Variants in BTRC observed in about 807,000 individuals in gnomAD.
BTRC encodes F-box/WD repeat-containing protein 1A.
In BTRC, 42 loss-of-function variants were observed where a neutral mutation model predicts 85.5. The ratio of observed to expected loss-of-function variants is 0.49; its 90% CI spans 0.38 to 0.64. The LOEUF is 0.64. Ranked by LOEUF, BTRC falls within the 30% of genes least tolerant of loss-of-function variation. The pLI, the probability that BTRC is intolerant of heterozygous loss-of-function variation, is 0.00. For synonymous variants in BTRC, 255 were observed against 263.3 expected (o/e 0.97, Z 0.30); for missense variants, 594 against 743.5 (o/e 0.80, Z 2.34).
At position 101,378,585 on chromosome 10, in the gene BTRC, C is replaced by T. The variant is rs187547279; in HGVS notation, c.48+24357C>T. Among the ~76,000 whole-genome samples, 580 of 143,348 alleles carry T rather than the reference C, an allele frequency of 4.0e-3. 7 individuals are homozygous for T. Among genetic ancestry groups the T allele is most frequent in the African/African-American group, 0.014 (550 of 38,240 alleles). 94.0% of individuals were successfully genotyped at this position (143,348 alleles called of 152,430 possible). On this transcript the variant is annotated intron_variant, in intron 1 of 14. Transcript: ENST00000370187. ...TGTCACCCAGGCTGGAGTGCAGTGG[C>T]GCGATCTTGGTGCACTGCAACCCCT...
At chr10:101,399,393 G>T (rs1355142989) in intron 1 of BTRC, among the ~76,000 whole-genome samples, 6 of 148,018 alleles carry the variant, frequency 4.1e-5, no homozygotes, top group Admixed American at 3.4e-4. Context: ...AATGGTAGCA[G>T]GTCATGTATG....
At chr10:101,532,148 A>G (rs2062293239) in intron 7 of BTRC, 147 bp from the exon 8 acceptor site, 1 of 704,926 alleles carries the variant, frequency 1.4e-6, no homozygotes, top group South Asian at 3.9e-5. Flanking sequence ...TATAGATAGT[A>G]GCCTTTTAAA....
intron 4 of BTRC, among the ~76,000 whole-genome samples, chr10:101,518,443 T>G (rs138188016): frequency 3.5e-3 from 539 of 152,322 alleles, no homozygotes; most frequent in Non-Finnish European, 5.8e-3. Flanking sequence ...AGAAGTTGCC[T>G]GGGCTTAGAA....
In BTRC at chr10:101,391,986, C is replaced by CT. The variant is rs879386711; in HGVS notation, c.48+37769dup. Among the ~76,000 whole-genome samples, 444 of 147,438 alleles carry CT rather than the reference C, an allele frequency of 3.0e-3. 1 individual carries two copies. Among genetic ancestry groups the CT allele is most frequent in the African/African-American group, 8.3e-3 (336 of 40,490 alleles). On this transcript the variant is annotated intron_variant, in intron 1 of 14. Transcript: ENST00000370187. ...AGTTTACTTAAAACTAACTAATATT[C>CT]TTTTTTTTTTTGAGACGGAGGCTTG...
At chr10:101,395,016 C>G (rs1308259361) in intron 1 of BTRC, among the ~76,000 whole-genome samples, 1 of 152,222 alleles carries the variant, frequency 6.6e-6, no homozygotes, top group Non-Finnish European at 1.5e-5. Flanking sequence ...ATGATTCCAA[C>G]AGCAGTAGCG....
intron 2 of BTRC, among the ~76,000 whole-genome samples, chr10:101,458,603 T>C (rs976605428): frequency 2.0e-5 from 3 of 152,242 alleles, no homozygotes; most frequent in Non-Finnish European, 4.4e-5. Flanking sequence ...CAGTGTGTGC[T>C]ATACCTCTTT....
At chr10:101,472,817 A>G (rs549467293) in intron 3 of BTRC, among the ~76,000 whole-genome samples, 1 of 152,220 alleles carries the variant, frequency 6.6e-6, no homozygotes, top group East Asian at 1.9e-4. Context: ...AAAGCCTGAC[A>G]TTATTTATAT....
At chr10:101,449,815 A>T (rs1944914505) in intron 2 of BTRC, among the ~76,000 whole-genome samples, 1 of 151,240 alleles carries the variant, frequency 6.6e-6, no homozygotes, top group Non-Finnish European at 1.5e-5. Flanking sequence ...GTATGTGTGG[A>T]TTGCTTTTTT....
chr10:101,473,366 C>G (rs1281021788), intron 3 of BTRC, among the ~76,000 whole-genome samples: 4 of 151,744 alleles, frequency 2.6e-5, no homozygotes, highest in African/African-American at 9.7e-5. Context: ...CTCACTGCAG[C>G]CTTGACCTTC....
intron 13 of BTRC, among the ~76,000 whole-genome samples, chr10:101,546,135 A>T (rs1215097181): frequency 6.6e-6 from 1 of 152,238 alleles, no homozygotes; most frequent in East Asian, 1.9e-4. Flanking sequence ...TATAATTGAC[A>T]ACTATAGAAT....
intron 1 of BTRC, among the ~76,000 whole-genome samples, chr10:101,392,488 T>G (rs1042256983): frequency 3.3e-5 from 5 of 152,080 alleles, no homozygotes; most frequent in South Asian, 2.1e-4. Flanking sequence ...TTGAAAGTTT[T>G]TTGTTGTTGT....
intron 1 of BTRC, among the ~76,000 whole-genome samples, chr10:101,417,553 GT>G (rs1474666073): frequency 2.0e-5 from 3 of 152,024 alleles, no homozygotes; most frequent in African/African-American, 4.8e-5. Context: ...AGATATCAGG[GT>G]TTTTTTCCCA....
chr10:101,438,933 A>G (rs1414131427), intron 2 of BTRC, among the ~76,000 whole-genome samples: 3 of 152,130 alleles, frequency 2.0e-5, no homozygotes, highest in Non-Finnish European at 2.9e-5. Context: ...AAATGTGCCT[A>G]TGGACTATTT....
intron 6 of BTRC, among the ~76,000 whole-genome samples, chr10:101,527,545 G>T (rs1048397734): frequency 2.6e-5 from 4 of 152,278 alleles, no homozygotes; most frequent in African/African-American, 9.6e-5. Context: ...TTGAGCCCAG[G>T]AGTTTGATAC....
At chr10:101,419,190 T>A (rs1315325715) in intron 1 of BTRC, among the ~76,000 whole-genome samples, 2 of 152,098 alleles carry the variant, frequency 1.3e-5, no homozygotes, top group Non-Finnish European at 2.9e-5. Flanking sequence ...TTTATATTTT[T>A]AGTAGAGACA....
At chr10:101,366,780 A>ATTTTTT (rs1401642159) in intron 1 of BTRC, among the ~76,000 whole-genome samples, 2 of 103,296 alleles carry the variant, frequency 1.9e-5, no homozygotes, top group Middle Eastern at 4.3e-3. Flanking sequence ...ATATATATAT[A>ATTTTTT]TATATATATT....
intron 1 of BTRC, among the ~76,000 whole-genome samples, chr10:101,385,953 C>G (rs939019364): frequency 6.6e-6 from 1 of 151,956 alleles, no homozygotes; most frequent in African/African-American, 2.4e-5. Flanking sequence ...TGAGCTTCAT[C>G]ATAAAGTGCC....
chr10:101,492,758 G>A (rs1011041621), intron 4 of BTRC, among the ~76,000 whole-genome samples: 1 of 152,140 alleles, frequency 6.6e-6, no homozygotes, highest in African/African-American at 2.4e-5. Context: ...TACGAAAGAT[G>A]GAGTATAGAT....
At chr10:101,458,647 A>G (rs1441734303) in intron 2 of BTRC, among the ~76,000 whole-genome samples, 2 of 152,126 alleles carry the variant, frequency 1.3e-5, no homozygotes, top group African/African-American at 2.4e-5. Context: ...TCCTTAGTCT[A>G]TTTCATGGCC....
Sources: gnomAD v4.1 joint callset for allele counts (sites outside exome capture counted in the v4.1 genomes callset) on GRCh38, gnomAD v4.1.1 for gene constraint, MANE v1.5 for transcripts, NCBI Gene and HGNC (gene_info 2026-07-23, HGNC 2026-07-21) for gene names.